The following EPB41L4A variants were observed in gnomAD, a reference collection of about 807,000 sequenced individuals.
EPB41L4A encodes band 4.1-like protein 4A.
In EPB41L4A, 100 loss-of-function variants were observed where a neutral mutation model predicts 108.6. That is an observed-to-expected ratio of 0.92 (90% CI 0.78 to 1.09). The LOEUF (loss-of-function observed/expected upper bound fraction) is 1.09, where lower values mean the gene tolerates loss of function less well. Ranked by LOEUF, EPB41L4A falls within the 50% of genes least tolerant of loss-of-function variation. EPB41L4A has a pLI of 0.00. For missense variants in EPB41L4A, 1,030 were observed against 842.7 expected (o/e 1.22, Z -2.75); for synonymous variants, 319 against 289.0 (o/e 1.10, Z -1.05).
At chr5:112,413,593 C>T (rs987214692) in intron 1 of EPB41L4A, among the ~76,000 whole-genome samples, 2 of 152,172 alleles carry the variant, frequency 1.3e-5, no homozygotes, top group African/African-American at 2.4e-5. Context: ...ATAATGCATG[C>T]AGTGTGACAG....
Position 112,209,958 on chromosome 5 carries a change from GTTATCCTACTGATGCTGTTTGA to G in EPB41L4A, c.1090_1111del (p.Ser364LeufsTer21), listed in dbSNP as rs756743798. On this transcript the variant is annotated frameshift_variant and splice_region_variant, in exon 13 of 23. Transcript: ENST00000261486. LOFTEE classifies it high-confidence loss of function. ...ATTTTCTCCATTTTCCATGTTTGCA[GTTATCCTACTGATGCTGTTTGA>G]TTCTAGCAGAGGAGGAGAAGGAAAG... 1.3e-5 allele frequency: 21 copies of G among 1,603,032 alleles called. No individual in the cohort carries two copies. The highest frequency in any genetic ancestry group is 1.8e-5 in the Non-Finnish European group (21 of 1,171,156).
chr5:112,147,952 T>G (rs1309081682), intron 12 of EPB41L4A, among the ~76,000 whole-genome samples: 4 of 150,262 alleles, frequency 2.7e-5, no homozygotes, highest in Admixed American at 1.3e-4. Flanking sequence ...GGCAGGAGAA[T>G]TGCATGAACC....
Position 112,163,965 on chromosome 5 carries a change from G to C in EPB41L4A, c.*1025C>G, listed in dbSNP as rs565919669. 3 of 152,336 alleles carry C rather than the reference G, an allele frequency of 2.0e-5. No individual in the cohort carries two copies. The highest frequency in any genetic ancestry group is 7.2e-5 in the African/African-American group (3 of 41,534). The allele number at this position is 152,336 out of a possible 1,614,324, so 9.4% of individuals were successfully genotyped here. On this transcript the variant is annotated 3_prime_UTR_variant, in exon 23 of 23. Coordinates refer to ENST00000261486, the MANE Select transcript of EPB41L4A (RefSeq NM_022140.5). ...GTGGAGAGAACTGTACGTGGTAAGGGGGAGATATAAGATGTCCTGCATAAG... is the reference window on the plus strand; with the variant it reads ...GTGGAGAGAACTGTACGTGGTAAGGCGGAGATATAAGATGTCCTGCATAAG...
intron 1 of EPB41L4A, among the ~76,000 whole-genome samples, chr5:112,328,201 T>C (rs573124855): frequency 8.5e-5 from 13 of 152,114 alleles, no homozygotes; most frequent in African/African-American, 2.7e-4. Context: ...CCCAGCTACT[T>C]TGGAACCTGA....
chr5:112,287,838 T>C (rs1753385712), intron 2 of EPB41L4A, among the ~76,000 whole-genome samples: 1 of 152,172 alleles, frequency 6.6e-6, no homozygotes, highest in African/African-American at 2.4e-5. Flanking sequence ...AACTGGATGA[T>C]TCAGATAAGG....
chr5:112,315,227 C>G (rs1036539687), intron 1 of EPB41L4A, among the ~76,000 whole-genome samples: 10 of 152,174 alleles, frequency 6.6e-5, no homozygotes, highest in African/African-American at 2.4e-4. Context: ...CTCCATTGAA[C>G]CTACCAAGTT....
At chr5:112,342,213 T>A (rs1757363532) in intron 1 of EPB41L4A, among the ~76,000 whole-genome samples, 1 of 152,350 alleles carries the variant, frequency 6.6e-6, no homozygotes, top group East Asian at 1.9e-4. Context: ...ACAACATGTA[T>A]GATCAGACAA....
At chr5:112,316,012 G>C (rs1318348874) in intron 1 of EPB41L4A, among the ~76,000 whole-genome samples, 1 of 152,138 alleles carries the variant, frequency 6.6e-6, no homozygotes, top group Non-Finnish European at 1.5e-5. Context: ...TAGCAAATGA[G>C]ATAGATTACT....
chr5:112,328,584 T>C (rs898386917), intron 1 of EPB41L4A, among the ~76,000 whole-genome samples: 2 of 152,194 alleles, frequency 1.3e-5, no homozygotes, highest in Admixed American at 6.5e-5. Context: ...CTAGAACCCA[T>C]TTCTCCTGAC....
intron 1 of EPB41L4A, among the ~76,000 whole-genome samples, chr5:112,368,968 T>C (rs554835942): frequency 1.4e-4 from 21 of 152,324 alleles, no homozygotes; most frequent in Admixed American, 5.2e-4. Context: ...CATGCTCTCC[T>C]TGGAGCAGAA....
chr5:112,315,985 G>T (rs1255127624), intron 1 of EPB41L4A, among the ~76,000 whole-genome samples: 1 of 152,138 alleles, frequency 6.6e-6, no homozygotes, highest in East Asian at 1.9e-4. Flanking sequence ...ATTGTGAATT[G>T]TATTCCACTT....
At chr5:112,348,194 C>A (rs1269900508) in intron 1 of EPB41L4A, among the ~76,000 whole-genome samples, 1 of 152,178 alleles carries the variant, frequency 6.6e-6, no homozygotes, top group Non-Finnish European at 1.5e-5. Flanking sequence ...GAAGTCCGTA[C>A]CCAGCTTTCA....
chr5:112,384,449 T>A (rs1760367998), intron 1 of EPB41L4A, among the ~76,000 whole-genome samples: 1 of 152,082 alleles, frequency 6.6e-6, no homozygotes, highest in Admixed American at 6.6e-5. Flanking sequence ...GACCAAAGGC[T>A]AACTTCACTA....
chr5:112,275,973 G>C (rs1272705654), intron 3 of EPB41L4A, among the ~76,000 whole-genome samples: 2 of 152,036 alleles, frequency 1.3e-5, no homozygotes, highest in African/African-American at 4.8e-5. Flanking sequence ...TTGTGAAAAA[G>C]TATCAGTTAA....
intron 1 of EPB41L4A, among the ~76,000 whole-genome samples, chr5:112,390,579 G>A (rs573653501): frequency 1.3e-5 from 2 of 152,188 alleles, no homozygotes; most frequent in African/African-American, 2.4e-5. Flanking sequence ...GCAGCTCAAC[G>A]AGGCCAGCGT....
At chr5:112,309,387 C>A (rs1401847430) in intron 1 of EPB41L4A, among the ~76,000 whole-genome samples, 2 of 152,142 alleles carry the variant, frequency 1.3e-5, no homozygotes, top group African/African-American at 4.8e-5. Context: ...GAACCAGCTA[C>A]CCAATTGAAT....
chr5:112,385,029 G>C (rs1760419294), intron 1 of EPB41L4A, among the ~76,000 whole-genome samples: 1 of 152,192 alleles, frequency 6.6e-6, no homozygotes, highest in South Asian at 2.1e-4. Context: ...TAGCCCGGGT[G>C]ACCCTTGGAT....
intron 17 of EPB41L4A, among the ~76,000 whole-genome samples, chr5:112,192,447 A>G (rs1761750968): frequency 6.6e-6 from 1 of 152,238 alleles, no homozygotes; most frequent in Non-Finnish European, 1.5e-5. Flanking sequence ...TACGTAGCAT[A>G]AATGATTGTG....
At chr5:112,150,160 T>C (rs1018428122) in intron 12 of EPB41L4A, among the ~76,000 whole-genome samples, 3 of 152,188 alleles carry the variant, frequency 2.0e-5, no homozygotes, top group African/African-American at 7.2e-5. Context: ...GTAGTCTGAG[T>C]GCTCCCAAGT....
Sources: gnomAD v4.1 joint callset for allele counts (sites outside exome capture counted in the v4.1 genomes callset) on GRCh38, gnomAD v4.1.1 for gene constraint, MANE v1.5 for transcripts, NCBI Gene and HGNC (gene_info 2026-07-23, HGNC 2026-07-21) for gene names.